Variants in MORC1 observed in about 807,000 individuals in gnomAD.
MORC1 encodes the protein MORC family CW-type zinc finger 1.
In MORC1, 59 loss-of-function variants were observed where a neutral mutation model predicts 134.9. The ratio of observed to expected loss-of-function variants is 0.44; its 90% confidence interval spans 0.35 to 0.54. The LOEUF (loss-of-function observed/expected upper bound fraction) is 0.54. Among genes scored for constraint, MORC1 ranks in the 20% least tolerant of loss-of-function variants. The probability of loss-of-function intolerance (pLI) is 0.00; values close to 1 mark genes in which losing one functional copy is unlikely to be tolerated. For synonymous variants in MORC1, 395 were observed against 391.7 expected (o/e 1.01, Z -0.10); for missense variants, 947 against 1,134.5 (o/e 0.83, Z 2.37).
At chr3:109,076,484 C>A (rs765009833) in intron 8 of MORC1, among the ~76,000 whole-genome samples, 5 of 152,116 alleles carry the variant, frequency 3.3e-5, no homozygotes, top group Non-Finnish European at 7.3e-5. Context: ...TGGGTATACA[C>A]CCAAATAATT....
chr3:109,109,206 T>C (rs1559957928), intron 3 of MORC1, among the ~76,000 whole-genome samples: 1 of 152,120 alleles, frequency 6.6e-6, no homozygotes. Flanking sequence ...TCTGTTCTCT[T>C]ATCCTGCTTT....
chr3:109,005,354 T>G (rs758423908), intron 18 of MORC1, 39 bp from the exon 19 acceptor site: 2 of 1,518,408 alleles, frequency 1.3e-6, no homozygotes, highest in Admixed American at 2.2e-5. Flanking sequence ...TTTTGGTAGA[T>G]AGCCTATTTA....
At chr3:109,002,110 G>A (rs1948418892) in intron 20 of MORC1, among the ~76,000 whole-genome samples, 1 of 152,146 alleles carries the variant, frequency 6.6e-6, no homozygotes, top group African/African-American at 2.4e-5. Flanking sequence ...ATCAGAGCAT[G>A]GTCAAGTCTC....
At chr3:109,051,393 T>A (rs1949824369) in intron 14 of MORC1, among the ~76,000 whole-genome samples, 1 of 152,234 alleles carries the variant, frequency 6.6e-6, no homozygotes, top group Non-Finnish European at 1.5e-5. Flanking sequence ...TTTCAGATAG[T>A]CAAATATTAT....
intron 16 of MORC1, among the ~76,000 whole-genome samples, chr3:109,029,542 G>A (rs530512947): frequency 3.3e-5 from 5 of 152,174 alleles, no homozygotes; most frequent in African/African-American, 9.6e-5. Flanking sequence ...CAAGTAATAG[G>A]CATCATTTTT....
intron 11 of MORC1, among the ~76,000 whole-genome samples, chr3:109,061,172 T>C (rs992064143): frequency 1.3e-5 from 2 of 152,152 alleles, no homozygotes; most frequent in African/African-American, 4.8e-5. Flanking sequence ...AAAGGATTCA[T>C]ATATTCAGTC....
chr3:109,091,858 T>C (rs1305675605), intron 8 of MORC1, among the ~76,000 whole-genome samples: 1 of 152,210 alleles, frequency 6.6e-6, no homozygotes, highest in South Asian at 2.1e-4. Flanking sequence ...TTAGGTCTGA[T>C]TCATTTTCTT....
chr3:109,057,466 G>C lies in MORC1; in HGVS notation c.1052C>G (p.Thr351Arg). ...EKQRELKTAR[T>R]LSLFYGVNVE... ...GTTCACTCCATAGAACAGGGAGAGC[G>C]TTCTTGCTGTTTTTAATTCTCTAGA... Residue 351 changes from threonine to arginine, a missense_variant, in exon 13 of 28, where the codon ACG becomes AGG. Thr to Arg is a moderately conservative substitution (Grantham distance 71). Transcript: ENST00000232603. 1 of 1,596,624 alleles carries C rather than the reference G, an allele frequency of 6.3e-7. No individual in the cohort carries two copies.
intron 8 of MORC1, among the ~76,000 whole-genome samples, chr3:109,082,159 C>G (rs1024286818): frequency 6.6e-6 from 1 of 151,876 alleles, no homozygotes; most frequent in Admixed American, 6.6e-5. Flanking sequence ...TAGGACAGGG[C>G]AGTGCTCTGA....
chr3:109,075,956 T>C (rs926208327), intron 8 of MORC1, among the ~76,000 whole-genome samples: 2 of 152,126 alleles, frequency 1.3e-5, no homozygotes, highest in African/African-American at 4.8e-5. Context: ...CCAAAAGCAA[T>C]GGCGACAAAA....
At chr3:108,964,070 G>A (rs568354927) in intron 26 of MORC1, among the ~76,000 whole-genome samples, 2 of 152,344 alleles carry the variant, frequency 1.3e-5, no homozygotes, top group South Asian at 2.1e-4. Context: ...AGGCAAGGCT[G>A]TAGCATCTAG....
chr3:109,020,394 G>A (rs1452450977), intron 17 of MORC1, among the ~76,000 whole-genome samples: 1 of 152,110 alleles, frequency 6.6e-6, no homozygotes. Flanking sequence ...TTACACCCTG[G>A]TTAGAATGCT....
intron 26 of MORC1, 88 bp from the exon 27 acceptor site, chr3:108,963,696 G>T: frequency 2.2e-6 from 2 of 906,444 alleles, no homozygotes; most frequent in Non-Finnish European, 3.2e-6. Context: ...TTCCAACTCT[G>T]CCTACATGTA....
chr3:109,060,145 C>T (rs187278316), intron 11 of MORC1, among the ~76,000 whole-genome samples: 5 of 151,996 alleles, frequency 3.3e-5, no homozygotes, highest in East Asian at 1.9e-4. Flanking sequence ...AATGACACAA[C>T]GGCTTTGACA....
At chr3:109,061,418 G>T (rs1235794334) in intron 11 of MORC1, among the ~76,000 whole-genome samples, 1 of 152,004 alleles carries the variant, frequency 6.6e-6, no homozygotes, top group Non-Finnish European at 1.5e-5. Flanking sequence ...TTACTCATGG[G>T]CATATTGTTA....
chr3:109,032,917 A>C, intron 15 of MORC1, 92 bp from the exon 16 acceptor site: 1 of 820,982 alleles, frequency 1.2e-6, no homozygotes, highest in Non-Finnish European at 2.1e-6. Context: ...AGTATGAGGT[A>C]TCTCTCAATC....
chr3:109,051,953 G>A (rs962397800), intron 14 of MORC1, among the ~76,000 whole-genome samples: 1 of 152,066 alleles, frequency 6.6e-6, no homozygotes. Flanking sequence ...GACCTAGATG[G>A]AAATAATTTT....
intron 11 of MORC1, among the ~76,000 whole-genome samples, chr3:109,061,276 A>G (rs1286079578): frequency 6.6e-6 from 1 of 152,240 alleles, no homozygotes; most frequent in Non-Finnish European, 1.5e-5. Flanking sequence ...ATGTTGCTTA[A>G]TCATTCACCA....
intron 23 of MORC1, among the ~76,000 whole-genome samples, chr3:108,982,506 C>G (rs992254880): frequency 6.8e-6 from 1 of 148,082 alleles, no homozygotes; most frequent in Non-Finnish European, 1.5e-5. Flanking sequence ...CATGTTCTCA[C>G]TCATAGGTGG....
Sources: allele counts gnomAD v4.1 joint callset (sites outside exome capture counted in the v4.1 genomes callset), GRCh38; gene constraint gnomAD v4.1.1; transcripts MANE v1.5; gene names NCBI Gene and HGNC (gene_info 2026-07-23, HGNC 2026-07-21).